RSU1: variants seen among roughly 807,000 people sequenced by gnomAD.
RSU1 encodes Ras suppressor protein 1, also known as rsu-1.
A neutral mutation model predicts 31.1 loss-of-function variants in RSU1; 26 were observed. That is an observed-to-expected ratio of 0.84 (90% confidence interval 0.61 to 1.16). The LOEUF is 1.16. RSU1 is among the 50% of genes most tolerant of loss of function. The pLI is 0.00. For missense variants in RSU1, 320 were observed against 339.1 expected, an observed-to-expected ratio of 0.94 and a Z score of 0.44; for synonymous variants, 164 against 136.3, an observed-to-expected ratio of 1.20 and a Z score of -1.41.
chr10:16,635,581 T>C (rs553838144), intron 8 of RSU1, among the ~76,000 whole-genome samples: 20 of 152,326 alleles, frequency 1.3e-4, no homozygotes, highest in Non-Finnish European at 1.9e-4. Flanking sequence ...CCAATCCCTT[T>C]TCTCTGCAAA....
At chr10:16,605,671 T>C (rs536725176) in intron 8 of RSU1, among the ~76,000 whole-genome samples, 62 of 152,268 alleles carry the variant, frequency 4.1e-4, no homozygotes, top group Non-Finnish European at 7.1e-4. Flanking sequence ...CCTGGAGCTG[T>C]CTACTGAAGG....
intron 7 of RSU1, among the ~76,000 whole-genome samples, chr10:16,746,542 G>A (rs918739489): frequency 1.3e-5 from 2 of 152,020 alleles, no homozygotes; most frequent in African/African-American, 4.8e-5. Context: ...AGAGAATTAT[G>A]CAAAACACAG....
At chr10:16,683,519 T>A in intron 8 of RSU1, among the ~76,000 whole-genome samples, 1 of 152,282 alleles carries the variant, frequency 6.6e-6, no homozygotes, top group Middle Eastern at 3.4e-3. Context: ...ATACTTTTGA[T>A]TGATGTTGTT....
chr10:16,673,621 C>T (rs759582065), intron 8 of RSU1, among the ~76,000 whole-genome samples: 14 of 152,202 alleles, frequency 9.2e-5, no homozygotes, highest in Admixed American at 3.9e-4. Flanking sequence ...CTGACTGGCG[C>T]TGGATGTCCC....
intron 7 of RSU1, among the ~76,000 whole-genome samples, chr10:16,719,898 A>G (rs1836220316): frequency 6.6e-6 from 1 of 152,240 alleles, no homozygotes; most frequent in Admixed American, 6.5e-5. Flanking sequence ...CTTTCTGCAT[A>G]TATACACCAG....
intron 8 of RSU1, among the ~76,000 whole-genome samples, chr10:16,649,837 A>G (rs1413426164): frequency 1.3e-5 from 2 of 152,168 alleles, no homozygotes; most frequent in African/African-American, 4.8e-5. Flanking sequence ...TTTTGGGGGA[A>G]AAAACCCCAC....
intron 7 of RSU1, among the ~76,000 whole-genome samples, chr10:16,727,925 A>G (rs566753396): frequency 5.4e-4 from 82 of 152,242 alleles, no homozygotes; most frequent in African/African-American, 1.9e-3. Flanking sequence ...CCGAAACACC[A>G]CCACAAACTT....
intron 8 of RSU1, among the ~76,000 whole-genome samples, chr10:16,610,173 T>C (rs1288217237): frequency 6.6e-6 from 1 of 152,120 alleles, no homozygotes; most frequent in East Asian, 1.9e-4. Context: ...ACTATGTCTT[T>C]GAACTCTGGT....
At chr10:16,807,558 T>G (rs1838299699) in intron 2 of RSU1, among the ~76,000 whole-genome samples, 1 of 152,216 alleles carries the variant, frequency 6.6e-6, no homozygotes, top group South Asian at 2.1e-4. Context: ...TTAATAGTTT[T>G]TCAGGAAACC....
intron 8 of RSU1, among the ~76,000 whole-genome samples, chr10:16,636,409 T>G (rs887261818): frequency 3.3e-5 from 5 of 152,172 alleles, no homozygotes; most frequent in African/African-American, 1.2e-4. Flanking sequence ...CCAAACTCTG[T>G]CCCTCTCCCG....
chr10:16,686,224 T>C (rs191468797), intron 8 of RSU1, among the ~76,000 whole-genome samples: 2 of 152,340 alleles, frequency 1.3e-5, no homozygotes, highest in Non-Finnish European at 2.9e-5. Flanking sequence ...TATTACTGTG[T>C]AGAGATTAGA....
At chr10:16,748,828 T>C (rs1836912693) in intron 7 of RSU1, among the ~76,000 whole-genome samples, 1 of 147,422 alleles carries the variant, frequency 6.8e-6, no homozygotes, top group African/African-American at 2.7e-5. Context: ...GTTTCTCTGA[T>C]TACCCGTTCC....
At chr10:16,731,732 A>T (rs778714765) in intron 7 of RSU1, among the ~76,000 whole-genome samples, 18 of 152,116 alleles carry the variant, frequency 1.2e-4, no homozygotes, top group Non-Finnish European at 2.2e-4. Context: ...TCTGCATTTC[A>T]TTGACTGCTA....
At chr10:16,617,103 A>G (rs1833991360) in intron 8 of RSU1, among the ~76,000 whole-genome samples, 1 of 152,218 alleles carries the variant, frequency 6.6e-6, no homozygotes, top group African/African-American at 2.4e-5. Context: ...CTCATCCCCA[A>G]AACTCATTAA....
chr10:16,779,879 T>C (rs1226400398), intron 3 of RSU1, among the ~76,000 whole-genome samples: 1 of 152,180 alleles, frequency 6.6e-6, no homozygotes. Context: ...AATTTGACCT[T>C]ACTGAAACAG....
intron 2 of RSU1, among the ~76,000 whole-genome samples, chr10:16,784,443 G>A (rs1477832632): frequency 6.6e-6 from 1 of 152,140 alleles, no homozygotes; most frequent in Non-Finnish European, 1.5e-5. Context: ...TGGTTCTGCA[G>A]GCTGTACAGG....
chr10:16,602,537 A>G (rs1165849201), intron 8 of RSU1, among the ~76,000 whole-genome samples: 1 of 152,216 alleles, frequency 6.6e-6, no homozygotes, highest in African/African-American at 2.4e-5. Context: ...TCTGCAGGGC[A>G]GGGAGTGCAG....
At chr10:16,793,335 G>A (rs1447268650) in intron 2 of RSU1, among the ~76,000 whole-genome samples, 1 of 151,736 alleles carries the variant, frequency 6.6e-6, no homozygotes, top group Non-Finnish European at 1.5e-5. Context: ...CTCAATCAAT[G>A]ACAAAACAAT....
chr10:16,621,887 A>T (rs1318200482), intron 8 of RSU1, among the ~76,000 whole-genome samples: 2 of 152,186 alleles, frequency 1.3e-5, no homozygotes, highest in East Asian at 3.8e-4. Context: ...ATGTAATTTT[A>T]TTGATAGCAA....
Sources: allele counts gnomAD v4.1 joint callset (sites outside exome capture counted in the v4.1 genomes callset), GRCh38; gene constraint gnomAD v4.1.1; transcripts MANE v1.5; gene names NCBI Gene and HGNC (gene_info 2026-07-23, HGNC 2026-07-21).